Variants in ANK1 observed in about 807,000 individuals in gnomAD.
ANK1 encodes ankyrin-1.
In ANK1, 51 loss-of-function variants were observed where a neutral mutation model predicts 210.4. The observed-to-expected ratio is 0.24, with a 90% CI of 0.19 to 0.31. The LOEUF is 0.31. Among genes scored for constraint, ANK1 ranks in the 10% least tolerant of loss-of-function variants. The probability of loss-of-function intolerance (pLI) is 1.00; values close to 1 mark genes in which losing one functional copy is unlikely to be tolerated. For synonymous variants in ANK1, 967 were observed against 1,025.9 expected (o/e 0.94, Z 1.10); for missense variants, 2,051 against 2,504.4 (o/e 0.82, Z 3.86).
Position 41,736,740 on chromosome 8 carries a change from C to T in ANK1, c.130-2671G>A, listed in dbSNP as rs560132294. ...AATGCTTGCCGCTAATGCTCTGGGA[C>T]GGCCGGCCCCTGCTGTTTGAGGCCA... On this transcript the variant is annotated intron_variant, in intron 2 of 42. Coordinates refer to ENST00000289734, the MANE Select transcript of ANK1 (RefSeq NM_000037.4). 5.4e-4 allele frequency among the ~76,000 whole-genome samples: 83 copies of T among 152,342 alleles called. 1 individual carries two copies. The highest frequency in any genetic ancestry group is 1.8e-3 in the African/African-American group (76 of 41,572).
intron 13 of ANK1, among the ~76,000 whole-genome samples, chr8:41,716,308 G>A (rs1827657279): frequency 6.6e-6 from 1 of 151,990 alleles, no homozygotes; most frequent in South Asian, 2.1e-4. Context: ...GCTGGGGTCA[G>A]GGGAGTCTCA....
Position 41,701,579 on chromosome 8 carries a change from T to C in ANK1, c.2432A>G (p.Asp811Gly). The C allele has an allele frequency of 6.2e-7, 1 of 1,614,150 alleles. No homozygotes were observed. Among genetic ancestry groups the C allele is most frequent in the Non-Finnish European group, 8.5e-7 (1 of 1,180,024 alleles). Residue 811 changes from aspartate (D) to glycine (G), a missense_variant, in exon 22 of 43, where the codon GAT becomes GGT. Physicochemically the swap from Asp to Gly is moderately conservative, Grantham distance 94. Transcript: ENST00000289734. Reference sequence around the variant, plus strand: ...ATCTTCCGAGACATCCAGGATCTCATCAACTGTCTCAGGGAAACTCATTCG... The same window carrying C: ...ATCTTCCGAGACATCCAGGATCTCACCAACTGTCTCAGGGAAACTCATTCG... ...KHRMSFPETV[D>G]EILDVSEDEG...
intron 1 of ANK1, among the ~76,000 whole-genome samples, chr8:41,781,540 C>T (rs1210530122): frequency 6.6e-6 from 1 of 152,254 alleles, no homozygotes; most frequent in Non-Finnish European, 1.5e-5. Flanking sequence ...GCCATCTACA[C>T]ACACTGCTGT....
intron 1 of ANK1, among the ~76,000 whole-genome samples, chr8:41,793,245 G>T (rs1241284332): frequency 6.6e-6 from 1 of 152,156 alleles, no homozygotes; most frequent in Non-Finnish European, 1.5e-5. Context: ...GAACGTGGAG[G>T]TGCACACACC....
At chr8:41,872,120 T>C (rs1012973413) in intron 1 of ANK1, among the ~76,000 whole-genome samples, 2 of 152,216 alleles carry the variant, frequency 1.3e-5, no homozygotes, top group African/African-American at 4.8e-5. Context: ...AGCTGATTCG[T>C]GGTCTTAGTC....
At chr8:41,685,646 T>G (rs995380920) in intron 36 of ANK1, among the ~76,000 whole-genome samples, 3 of 30,936 alleles carry the variant, frequency 9.7e-5, no homozygotes, top group Non-Finnish European at 2.5e-4. Context: ...TTTTATGTTA[T>G]TTTTTTTAGA....
At chr8:41,791,677 C>A (rs1847757252) in intron 1 of ANK1, among the ~76,000 whole-genome samples, 1 of 152,184 alleles carries the variant, frequency 6.6e-6, no homozygotes, top group Non-Finnish European at 1.5e-5. Context: ...GTGATCCGCC[C>A]ACCTCGGACT....
chr8:41,747,057 A>T (rs1836372836), intron 2 of ANK1, among the ~76,000 whole-genome samples: 1 of 152,160 alleles, frequency 6.6e-6, no homozygotes, highest in South Asian at 2.1e-4. Flanking sequence ...AAGACAACGT[A>T]ACAGCTTGCA....
intron 3 of ANK1, among the ~76,000 whole-genome samples, chr8:41,729,480 T>C (rs1439060152): frequency 6.6e-6 from 1 of 152,174 alleles, no homozygotes; most frequent in Non-Finnish European, 1.5e-5. Context: ...AGCCTCCAAC[T>C]CCTGGGCTCA....
chr8:41,738,885 T>A (rs1241902638), intron 2 of ANK1, among the ~76,000 whole-genome samples: 1 of 152,216 alleles, frequency 6.6e-6, no homozygotes, highest in Non-Finnish European at 1.5e-5. Flanking sequence ...AATCACATAT[T>A]TCTTCCCTCA....
At chr8:41,786,161 A>G (rs1846339544) in intron 1 of ANK1, among the ~76,000 whole-genome samples, 2 of 152,122 alleles carry the variant, frequency 1.3e-5, no homozygotes, top group Admixed American at 6.5e-5. Flanking sequence ...AGGCTCTTAA[A>G]TGCTTTTCAG....
chr8:41,755,058 G>A lies in ANK1; in HGVS notation c.129+2978C>T, dbSNP rs143288558. Among the ~76,000 whole-genome samples the A allele has an allele frequency of 1.2e-3, 180 of 152,356 alleles. 1 individual carries two copies. The highest frequency in any genetic ancestry group is 3.1e-3 in the South Asian group (15 of 4,826). On this transcript the variant is annotated intron_variant, in intron 2 of 42. Transcript: ENST00000289734. ...TGGCAGTGTCCTCTTTAAGAGAGAGGCCAGGCTTAGCCAGGACTGCAGTCT... is the reference window on the plus strand; with the variant it reads ...TGGCAGTGTCCTCTTTAAGAGAGAGACCAGGCTTAGCCAGGACTGCAGTCT...
At chr8:41,706,858 G>A (rs1004571054) in intron 17 of ANK1, among the ~76,000 whole-genome samples, 1 of 152,244 alleles carries the variant, frequency 6.6e-6, no homozygotes, top group Non-Finnish European at 1.5e-5. Context: ...CAGCACTTTG[G>A]AAGGCCGAGG....
Position 41,668,383 on chromosome 8 carries a change from G to A in ANK1, c.5278C>T (p.His1760Tyr). Reference protein sequence around the residue: ...YEKVLVSVSEHTWTEQPEAES... With the variant: ...YEKVLVSVSEYTWTEQPEAES... ...GCCTCGGGCTGTTCTGTCCACGTGT[G>A]CTCACTTACAGACACCAGGACCTTC... The change falls in exon 39 of 43, where the codon CAC (histidine) becomes TAC (tyrosine). Residue 1760 changes from histidine (H) to tyrosine (Y), a missense_variant. Around this residue, in one of 6 missense-constraint regions of ANK1, gnomAD observed 496 missense variants for 533.4 expected, o/e 0.93. Coordinates refer to ENST00000289734, the MANE Select transcript of ANK1 (RefSeq NM_000037.4). The A allele has an allele frequency of 6.2e-7, 1 of 1,614,220 alleles. No individual in the cohort carries two copies. The highest frequency in any genetic ancestry group is 1.1e-5 in the South Asian group (1 of 91,084).
At chr8:41,663,769 C>T (rs1331098057) in intron 39 of ANK1, 27 bp from the exon 40 acceptor site, 1 of 1,579,116 alleles carries the variant, frequency 6.3e-7, no homozygotes. Flanking sequence ...GGAGAAAATG[C>T]AAGATTGGTG....
chr8:41,789,476 C>T (rs1337689520), intron 1 of ANK1, among the ~76,000 whole-genome samples: 1 of 152,168 alleles, frequency 6.6e-6, no homozygotes, highest in East Asian at 1.9e-4. Context: ...CAGCAGAGCA[C>T]AGTTTGGAGG....
At chr8:41,888,404 AG>A (rs1818826216) in intron 1 of ANK1, among the ~76,000 whole-genome samples, 1 of 152,220 alleles carries the variant, frequency 6.6e-6, no homozygotes, top group South Asian at 2.1e-4. Context: ...CCGACTTCTT[AG>A]GGGCAGGCGA....
At chr8:41,894,252 G>C (rs576910603) in intron 1 of ANK1, among the ~76,000 whole-genome samples, 18 of 152,084 alleles carry the variant, frequency 1.2e-4, no homozygotes, top group African/African-American at 4.1e-4. Flanking sequence ...ATAGCACCCA[G>C]GATACTGCAT....
At chr8:41,709,980 C>T (rs1161403697) in intron 16 of ANK1, among the ~76,000 whole-genome samples, 1 of 152,192 alleles carries the variant, frequency 6.6e-6, no homozygotes, top group Non-Finnish European at 1.5e-5. Context: ...TTTTGCAGTG[C>T]ACTGGTTTGC....
Sources: allele counts gnomAD v4.1 joint callset (sites outside exome capture counted in the v4.1 genomes callset), GRCh38; gene constraint gnomAD v4.1.1; regional missense constraint gnomAD v4.1.1; transcripts MANE v1.5; gene names NCBI Gene and HGNC (gene_info 2026-07-23, HGNC 2026-07-21).